Variants in POLB observed in about 807,000 individuals in gnomAD.
POLB encodes the protein DNA polymerase beta, also known as 5'-dRP lyase.
POLB carries 37 observed loss-of-function variants against 52.7 expected under a neutral mutation model. The ratio of observed to expected loss-of-function variants is 0.70; its 90% CI spans 0.54 to 0.92. The LOEUF (loss-of-function observed/expected upper bound fraction) is 0.92, where lower values mean the gene tolerates loss of function less well. Among genes scored for constraint, POLB ranks in the 40% least tolerant of loss-of-function variants. POLB has a pLI of 0.00. For missense variants in POLB, 313 were observed against 400.8 expected (o/e 0.78, Z 1.87); for synonymous variants, 138 against 131.3 (o/e 1.05, Z -0.35).
In POLB at chr8:42,349,176, A is replaced by T. The variant is rs571540876; in HGVS notation, c.261+86A>T. On this transcript the variant is annotated intron_variant, in intron 4 of 13. Transcript: ENST00000265421. ...GCGTCATTGCAGGGTGACCAATGTCATTCACTGTAGTGAGACTCACAGGAA... is the reference window on the plus strand; with the variant it reads ...GCGTCATTGCAGGGTGACCAATGTCTTTCACTGTAGTGAGACTCACAGGAA... The T allele has an allele frequency of 1.8e-4, 129 of 733,814 alleles. No individual in the cohort carries two copies. The African/African-American group carries it at 2.2e-3, about 13-fold the overall frequency. The allele number at this position is 733,814 out of a possible 1,614,324, so 45.5% of individuals were successfully genotyped here.
chr8:42,352,534 G>A lies in POLB; in HGVS notation c.336G>A (p.Arg112=), dbSNP rs892603760. The A allele has an allele frequency of 6.2e-7, 1 of 1,602,594 alleles. No homozygotes were observed. The highest frequency in any genetic ancestry group is 1.3e-5 in the African/African-American group (1 of 74,650). Residue 112 remains arginine, a synonymous_variant, in exon 6 of 14, where the codon AGG becomes AGA. Coordinates refer to ENST00000265421, the MANE Select transcript of POLB (RefSeq NM_002690.3). ...RVSGIGPSAA[R]KFVDEGIKTL... ...GTTTTTGTAGTCCATCTGCTGCAAG[G>A]AAGTTTGTAGATGAAGGAATTAAAA...
intron 10 of POLB, among the ~76,000 whole-genome samples, chr8:42,362,303 A>C (rs987020484): frequency 6.7e-6 from 1 of 148,328 alleles, no homozygotes; most frequent in African/African-American, 2.5e-5. Context: ...TAAAATAGAG[A>C]TTTCTCCATA....
rs1430852685 is a variant in POLB, at chr8:42,352,848, G to C, written c.370+280G>C. ...GTAGTCCCAGCACTTTGGGAGGCGGGTGGATCACTTGAGGTCAGGGGTTCG... is the reference window on the plus strand; with the variant it reads ...GTAGTCCCAGCACTTTGGGAGGCGGCTGGATCACTTGAGGTCAGGGGTTCG... On this transcript the variant is annotated intron_variant, in intron 6 of 13. Transcript: ENST00000265421. 2.0e-5 allele frequency among the ~76,000 whole-genome samples: 3 copies of C among 152,088 alleles called. No individual in the cohort carries two copies. The East Asian group carries it at 5.8e-4, about 29-fold the overall frequency.
At chr8:42,370,977 A>G (rs1177726206) in intron 13 of POLB, among the ~76,000 whole-genome samples, 1 of 152,180 alleles carries the variant, frequency 6.6e-6, no homozygotes, top group East Asian at 1.9e-4. Flanking sequence ...ACTAGAGTAT[A>G]TAATACATAG....
At chr8:42,353,829 C>T (rs372153795) in intron 6 of POLB, among the ~76,000 whole-genome samples, 5 of 152,018 alleles carry the variant, frequency 3.3e-5, no homozygotes, top group African/African-American at 1.2e-4. Context: ...ATTTCTGCTT[C>T]GTACAATTAA....
At chr8:42,363,452 C>T (rs904336353) in intron 11 of POLB, among the ~76,000 whole-genome samples, 34 of 142,036 alleles carry the variant, frequency 2.4e-4, no homozygotes, top group East Asian at 8.8e-4. Context: ...CACTTGAACC[C>T]GGGAGGCAGA....
At chr8:42,369,009 T>G (rs1824210481) in intron 11 of POLB, 6 of 275,350 alleles carry the variant, frequency 2.2e-5, no homozygotes, top group Non-Finnish European at 4.1e-5. Flanking sequence ...TTTCTTTGAT[T>G]AGTTTCTTGC....
rs1822242757 is a variant in POLB at position 42,342,169 on chromosome 8, G to T, written c.120-2784G>T. 6 of 1,542,410 alleles carry T rather than the reference G, an allele frequency of 3.9e-6. No individual in the cohort carries two copies. In the Admixed American group the frequency reaches 6.7e-5, roughly 17 times the overall value. Reference sequence around the variant, plus strand: ...CATCCAGGTCACCAAAAACTTTATTGCCAGTGGTAGTTCTGGCAAGGCCTG... The same window carrying T: ...CATCCAGGTCACCAAAAACTTTATTTCCAGTGGTAGTTCTGGCAAGGCCTG... On this transcript the variant is annotated intron_variant, in intron 2 of 13. Coordinates refer to ENST00000265421, the MANE Select transcript of POLB (RefSeq NM_002690.3).
At chr8:42,353,561 T>C (rs1460880731) in intron 6 of POLB, among the ~76,000 whole-genome samples, 1 of 152,032 alleles carries the variant, frequency 6.6e-6, no homozygotes, top group Non-Finnish European at 1.5e-5. Context: ...TAACAAGTAA[T>C]TATAAAACGT....
chr8:42,367,425 G>T (rs1311823229), intron 11 of POLB, among the ~76,000 whole-genome samples: 1 of 152,154 alleles, frequency 6.6e-6, no homozygotes, highest in Non-Finnish European at 1.5e-5. Context: ...CGGTATCTGA[G>T]GGAAGAGATA....
At chr8:42,362,512 G>A in intron 10 of POLB, 100 bp from the exon 11 acceptor site, 1 of 743,520 alleles carries the variant, frequency 1.3e-6, no homozygotes, top group East Asian at 2.7e-5. Flanking sequence ...TCCAGCCTGT[G>A]CAATATAGCA....
chr8:42,356,210 A>T (rs1316846663), intron 7 of POLB, among the ~76,000 whole-genome samples: 2 of 152,170 alleles, frequency 1.3e-5, no homozygotes, highest in East Asian at 3.8e-4. Flanking sequence ...TTTCCTGTTG[A>T]TGCTTTACCA....
In POLB at chr8:42,362,539, A is replaced by G. The variant is rs931058378; in HGVS notation, c.622-73A>G. Reference sequence around the variant, plus strand: ...AATATAGCAAGACTGTGTCTCTAAAAATATTGTTAAATATTTTCTTGCCAT... The same window carrying G: ...AATATAGCAAGACTGTGTCTCTAAAGATATTGTTAAATATTTTCTTGCCAT... On this transcript the variant is annotated intron_variant, in intron 10 of 13. Coordinates refer to ENST00000265421, the MANE Select transcript of POLB (RefSeq NM_002690.3). 9 of 936,654 alleles carry G rather than the reference A, an allele frequency of 9.6e-6. No homozygotes were observed. In the African/African-American group the frequency reaches 1.5e-4, roughly 15 times the overall value. 58.0% of individuals were successfully genotyped at this position (936,654 alleles called of 1,614,324 possible). A position where few individuals can be genotyped will look rare whatever the true frequency, so the allele number is the denominator to read the frequency against.
chr8:42,343,525 A>AG, intron 2 of POLB, among the ~76,000 whole-genome samples: 1 of 149,176 alleles, frequency 6.7e-6, no homozygotes, highest in South Asian at 2.1e-4. Flanking sequence ...TCAAAAAAAA[A>AG]GTAACATAGG....
At chr8:42,354,604 C>A (rs550190706) in intron 6 of POLB, 16 of 509,304 alleles carry the variant, frequency 3.1e-5, no homozygotes, top group African/African-American at 3.0e-4. Context: ...AGTACAGTGG[C>A]GCAATCTTGG....
In POLB at chr8:42,369,954, C is replaced by T; in HGVS notation, c.879C>T (p.Ile293=). 1 of 1,609,808 alleles carries T rather than the reference C, an allele frequency of 6.2e-7. No individual in the cohort carries two copies. The highest frequency in any genetic ancestry group is 1.1e-5 in the South Asian group (1 of 90,890). ...RAHALEKGFT[I]NEYTIRPLGV... Reference sequence around the variant, plus strand: ...ATGCCCTAGAAAAGGGTTTCACAATCAATGAGTACACCATCCGTCCCTTGG... The same window carrying T: ...ATGCCCTAGAAAAGGGTTTCACAATTAATGAGTACACCATCCGTCCCTTGG... Residue 293 remains isoleucine (I), a synonymous_variant, in exon 13 of 14, where the codon ATC becomes ATT. Transcript: ENST00000265421.
rs1185888597 is a variant in POLB at position 42,338,522 on chromosome 8, G to A, written c.-103G>A. ...GTTCCGCCGGTCGCGCCGGAGCTGGGTTGCTCCTGCTCCCGTCTCCAAGTC... is the reference window on the plus strand; with the variant it reads ...GTTCCGCCGGTCGCGCCGGAGCTGGATTGCTCCTGCTCCCGTCTCCAAGTC... On this transcript the variant is annotated 5_prime_UTR_variant, in exon 1 of 14. Transcript: ENST00000265421. 2.0e-6 allele frequency: 2 copies of A among 1,022,254 alleles called. No homozygotes were observed. Among genetic ancestry groups the A allele is most frequent in the Non-Finnish European group, 3.1e-6 (2 of 646,310 alleles). The allele number at this position is 1,022,254 out of a possible 1,614,324, so 63.3% of individuals were successfully genotyped here. A position where few individuals can be genotyped will look rare whatever the true frequency, so the allele number is the denominator to read the frequency against.
At chr8:42,364,382 C>A (rs951981468) in intron 11 of POLB, among the ~76,000 whole-genome samples, 1 of 152,074 alleles carries the variant, frequency 6.6e-6, no homozygotes, top group African/African-American at 2.4e-5. Flanking sequence ...GTGCGCACCA[C>A]CATACCTGGC....
Position 42,357,185 on chromosome 8 carries a change from G to A in POLB, c.439G>A (p.Glu147Lys). ...RIGLKYFGDF[E>K]KRIPREEMLQ... ...TCTTTATAGATATTTTGGGGACTTT[G>A]AAAAAAGAATTCCTCGTGAAGAGAT... is the stretch of plus-strand genomic sequence containing the variant. The change falls in exon 8 of 14, where the codon GAA becomes AAA. Residue 147 changes from glutamate (E) to lysine (K), a missense_variant. Glu to Lys is a moderately conservative substitution (Grantham distance 56). Around this residue, in one of 3 missense-constraint regions of POLB, gnomAD observed 246 missense variants for 297.6 expected, o/e 0.83. Coordinates refer to ENST00000265421, the MANE Select transcript of POLB (RefSeq NM_002690.3). 1.3e-6 allele frequency: 2 copies of A among 1,551,750 alleles called. No individual in the cohort carries two copies. Among genetic ancestry groups the A allele is most frequent in the Non-Finnish European group, 1.8e-6 (2 of 1,125,132 alleles).
Sources: allele counts gnomAD v4.1 joint callset (sites outside exome capture counted in the v4.1 genomes callset), GRCh38; gene constraint gnomAD v4.1.1; regional missense constraint gnomAD v4.1.1; transcripts MANE v1.5; gene names NCBI Gene and HGNC (gene_info 2026-07-23, HGNC 2026-07-21).